The following PEX5L variants were observed in gnomAD, a reference collection of about 807,000 sequenced individuals.
PEX5L encodes the protein PEX5-related protein.
In PEX5L, 30 loss-of-function variants were observed where a neutral mutation model predicts 84.0. That is an observed-to-expected ratio of 0.36 (90% CI 0.27 to 0.48). The LOEUF is 0.48. Among genes scored for constraint, PEX5L ranks in the 20% least tolerant of loss-of-function variants. The pLI, the probability that PEX5L is intolerant of heterozygous loss-of-function variation, is 0.99. For missense variants in PEX5L, 533 were observed against 754.6 expected, an observed-to-expected ratio of 0.71 and a Z score of 3.44; for synonymous variants, 270 against 283.1, an observed-to-expected ratio of 0.95 and a Z score of 0.46.
At chr3:179,936,515 T>G (rs1302164508) in intron 2 of PEX5L, among the ~76,000 whole-genome samples, 1 of 152,210 alleles carries the variant, frequency 6.6e-6, no homozygotes, top group Non-Finnish European at 1.5e-5. Context: ...ATTTTAAACT[T>G]AAGCTCTGGG....
chr3:179,965,408 A>T (rs1377298339), intron 2 of PEX5L, among the ~76,000 whole-genome samples: 2 of 152,194 alleles, frequency 1.3e-5, no homozygotes, highest in Non-Finnish European at 2.9e-5. Context: ...AGCAGATGCT[A>T]TTATTGCATT....
intron 5 of PEX5L, 53 bp from the exon 6 acceptor site, chr3:179,875,530 GGGAGCGGTGGCGGGGAGTGGGGTGAGGGT>G: frequency 6.8e-7 from 1 of 1,463,686 alleles, no homozygotes; most frequent in Non-Finnish European, 9.5e-7. Flanking sequence ...GCGGGGTAGG[GGGAGCGGTGGCGGGGAGTGGGGTGAGGGT>G]GGAGCGTGTG....
intron 1 of PEX5L, among the ~76,000 whole-genome samples, chr3:180,026,674 T>C (rs1317546930): frequency 6.6e-6 from 1 of 152,218 alleles, no homozygotes; most frequent in East Asian, 1.9e-4. Flanking sequence ...AGTTCTACCA[T>C]ATTCTCTTAC....
Position 179,795,079 on chromosome 3 carries a change from A to C in PEX5L, c.*6749T>G, listed in dbSNP as rs1716395638. The C allele has an allele frequency of 6.6e-6, 1 of 152,216 alleles. No individual in the cohort carries two copies. Among genetic ancestry groups the C allele is most frequent in the Non-Finnish European group, 1.5e-5 (1 of 68,028 alleles). 9.4% of individuals were successfully genotyped at this position (152,216 alleles called of 1,614,324 possible). On this transcript the variant is annotated 3_prime_UTR_variant, in exon 15 of 15. Transcript: ENST00000467460. ...TTAAAGTTTTGTTTTATATCCAAAA[A>C]TGCATTCCTGATTTCCAGATAGCTC...
chr3:179,979,647 T>C (rs1013044674), intron 1 of PEX5L, among the ~76,000 whole-genome samples: 3 of 152,228 alleles, frequency 2.0e-5, no homozygotes, highest in African/African-American at 7.2e-5. Flanking sequence ...GGAACACTTC[T>C]GTCCTACAAT....
chr3:179,872,665 C>G (rs1750777914), intron 7 of PEX5L, among the ~76,000 whole-genome samples: 1 of 152,166 alleles, frequency 6.6e-6, no homozygotes, highest in African/African-American at 2.4e-5. Context: ...CTATGGCAAC[C>G]AGGGACACCA....
chr3:179,874,729 T>G (rs1156812564), intron 6 of PEX5L, among the ~76,000 whole-genome samples: 1 of 60,214 alleles, frequency 1.7e-5, no homozygotes, highest in Non-Finnish European at 3.3e-5. Context: ...AATTATGGTT[T>G]TTTTTTTTGT....
At chr3:179,905,439 A>AT (rs899938454) in intron 2 of PEX5L, among the ~76,000 whole-genome samples, 7 of 151,830 alleles carry the variant, frequency 4.6e-5, no homozygotes, top group African/African-American at 9.7e-5. Context: ...CGCCCGGCTA[A>AT]TTTTTTTGTG....
intron 1 of PEX5L, among the ~76,000 whole-genome samples, chr3:179,996,615 T>C (rs1307289827): frequency 1.3e-5 from 2 of 152,166 alleles, no homozygotes; most frequent in African/African-American, 4.8e-5. Flanking sequence ...CCTTGACCAA[T>C]GCCTTGTGAA....
At chr3:179,948,970 T>C (rs1778356536) in intron 2 of PEX5L, among the ~76,000 whole-genome samples, 1 of 152,210 alleles carries the variant, frequency 6.6e-6, no homozygotes, top group Non-Finnish European at 1.5e-5. Context: ...TTAGTTAATA[T>C]GACATTATAC....
intron 10 of PEX5L, among the ~76,000 whole-genome samples, chr3:179,813,631 G>A (rs1326809761): frequency 6.6e-6 from 1 of 150,976 alleles, no homozygotes; most frequent in East Asian, 1.9e-4. Flanking sequence ...CCGAGTAGCT[G>A]GGATTACAGG....
chr3:179,933,879 T>C (rs1773830727), intron 2 of PEX5L, among the ~76,000 whole-genome samples: 1 of 152,220 alleles, frequency 6.6e-6, no homozygotes, highest in African/African-American at 2.4e-5. Context: ...AGGACCACCT[T>C]GAGTAGCACT....
intron 7 of PEX5L, among the ~76,000 whole-genome samples, chr3:179,871,583 C>A (rs1320522852): frequency 1.3e-5 from 2 of 152,156 alleles, no homozygotes; most frequent in Non-Finnish European, 2.9e-5. Flanking sequence ...TGAACCATAA[C>A]CTAAATGGAG....
intron 2 of PEX5L, among the ~76,000 whole-genome samples, chr3:179,933,667 C>T (rs1773752446): frequency 6.6e-6 from 1 of 152,160 alleles, no homozygotes; most frequent in African/African-American, 2.4e-5. Context: ...GCAAGGAAGT[C>T]AATGTTTTTG....
intron 1 of PEX5L, among the ~76,000 whole-genome samples, chr3:179,996,215 G>A (rs1033954227): frequency 6.6e-6 from 1 of 152,070 alleles, no homozygotes; most frequent in Non-Finnish European, 1.5e-5. Flanking sequence ...GAGGAGGTGT[G>A]CTACACTCGA....
chr3:179,992,272 G>A (rs1184859164), intron 1 of PEX5L, among the ~76,000 whole-genome samples: 1 of 152,162 alleles, frequency 6.6e-6, no homozygotes, highest in African/African-American at 2.4e-5. Flanking sequence ...AAGCCAAAAG[G>A]AATCTTAAGA....
intron 1 of PEX5L, among the ~76,000 whole-genome samples, chr3:180,010,209 T>G (rs1042420049): frequency 6.7e-6 from 1 of 150,288 alleles, no homozygotes; most frequent in Admixed American, 6.6e-5. Context: ...CCTCCCAAAG[T>G]GATGGGATTA....
intron 1 of PEX5L, among the ~76,000 whole-genome samples, chr3:179,985,886 G>T (rs908671445): frequency 5.3e-5 from 8 of 152,042 alleles, no homozygotes; most frequent in African/African-American, 1.9e-4. Context: ...GGCCGCACTC[G>T]GGCTAAAGAG....
chr3:179,801,269 C>T lies in PEX5L; in HGVS notation c.*559G>A, dbSNP rs1339395807. Reference sequence around the variant, plus strand: ...CTAGTGCAAAAACTGCTTTTGCCAGCAAAGCTCCCTCTCTGGAATCAAAGG... The same window carrying T: ...CTAGTGCAAAAACTGCTTTTGCCAGTAAAGCTCCCTCTCTGGAATCAAAGG... On this transcript the variant is annotated 3_prime_UTR_variant, in exon 15 of 15. Transcript: ENST00000467460. 1 of 153,546 alleles carries T rather than the reference C, an allele frequency of 6.5e-6. No individual in the cohort carries two copies. The highest frequency in any genetic ancestry group is 1.9e-4 in the East Asian group (1 of 5,208). 9.5% of individuals were successfully genotyped at this position (153,546 alleles called of 1,614,324 possible).
Sources: gnomAD v4.1 joint callset for allele counts (sites outside exome capture counted in the v4.1 genomes callset) on GRCh38, gnomAD v4.1.1 for gene constraint, MANE v1.5 for transcripts, NCBI Gene and HGNC (gene_info 2026-07-23, HGNC 2026-07-21) for gene names.